The following TMEM132B variants were observed in gnomAD, a reference collection of about 807,000 sequenced individuals.
The protein encoded by TMEM132B is transmembrane protein 132B.
A neutral mutation model predicts 90.8 loss-of-function variants in TMEM132B; 18 were observed. The ratio of observed to expected loss-of-function variants is 0.20; its 90% CI spans 0.14 to 0.29. The LOEUF is 0.29. TMEM132B is among the 10% of genes least tolerant of loss of function. The probability of loss-of-function intolerance (pLI) is 1.00; values close to 1 mark genes in which losing one functional copy is unlikely to be tolerated. For missense variants in TMEM132B, 1,096 were observed against 1,326.8 expected, an observed-to-expected ratio of 0.83 and a Z score of 2.70; for synonymous variants, 504 against 523.3, an observed-to-expected ratio of 0.96 and a Z score of 0.50.
chr12:125,313,109 T>TG (rs1292094805), intron 1 of TMEM132B, among the ~76,000 whole-genome samples: 1 of 152,198 alleles, frequency 6.6e-6, no homozygotes, highest in Non-Finnish European at 1.5e-5. Flanking sequence ...TCTGGAATCT[T>TG]GGGGCAAGCT....
At chr12:125,534,813 A>G (rs1299312697) in intron 4 of TMEM132B, among the ~76,000 whole-genome samples, 2 of 152,212 alleles carry the variant, frequency 1.3e-5, no homozygotes, top group African/African-American at 4.8e-5. Flanking sequence ...GCTATCCAAT[A>G]TGGTAGCCAT....
At chr12:125,270,112 TTGTGTGTGTGTGTG>T (rs59168219) in intron 1 of TMEM132B, among the ~76,000 whole-genome samples, 8 of 143,144 alleles carry the variant, frequency 5.6e-5, no homozygotes, top group Admixed American at 1.4e-4. Context: ...CACATCTTTG[TTGTGTGTGTGTGTG>T]TGTGTGTGTG....
rs899391181 is a variant in TMEM132B, at chr12:125,659,668, T to G, written c.*4958T>G. Reference sequence around the variant, plus strand: ...TTGGCATGCTGGCAAATGCTACTCCTTGCTTTTAGGATGAATAGGGATGCC... The same window carrying G: ...TTGGCATGCTGGCAAATGCTACTCCGTGCTTTTAGGATGAATAGGGATGCC... On this transcript the variant is annotated 3_prime_UTR_variant, in exon 9 of 9. Transcript: ENST00000682704. The G allele has an allele frequency of 1.2e-4, 19 of 152,268 alleles. No individual in the cohort carries two copies. The highest frequency in any genetic ancestry group is 4.6e-4 in the African/African-American group (19 of 41,460). 9.4% of individuals were successfully genotyped at this position (152,268 alleles called of 1,614,324 possible). A position where few individuals can be genotyped will look rare whatever the true frequency, so the allele number is the denominator to read the frequency against.
At chr12:125,326,569 G>A (rs1876576042) in intron 1 of TMEM132B, 3 of 1,571,796 alleles carry the variant, frequency 1.9e-6, no homozygotes, top group Admixed American at 1.9e-5. Flanking sequence ...ACTGGGGGGT[G>A]TTGAATAAAG....
intron 3 of TMEM132B, among the ~76,000 whole-genome samples, chr12:125,469,666 A>G (rs1490338318): frequency 6.6e-6 from 1 of 152,216 alleles, no homozygotes; most frequent in Non-Finnish European, 1.5e-5. Flanking sequence ...TTCTCCCCTC[A>G]AAATGAAGAG....
At chr12:125,635,182 A>C (rs1398265933) in intron 5 of TMEM132B, among the ~76,000 whole-genome samples, 1 of 152,236 alleles carries the variant, frequency 6.6e-6, no homozygotes, top group East Asian at 1.9e-4. Context: ...TCTGGGGTAC[A>C]TGTGCAGAAT....
At chr12:125,401,560 C>T (rs750666829) in intron 2 of TMEM132B, among the ~76,000 whole-genome samples, 39 of 152,090 alleles carry the variant, frequency 2.6e-4, no homozygotes, top group Non-Finnish European at 4.6e-4. Flanking sequence ...GGCTTCCAGG[C>T]AGGGGGAATG....
intron 5 of TMEM132B, chr12:125,588,092 A>G (rs1885222451): frequency 6.6e-6 from 1 of 152,172 alleles, no homozygotes; most frequent in Non-Finnish European, 1.5e-5. Context: ...TTTTAGCTCA[A>G]TATAAAGAAA....
At chr12:125,560,486 C>A (rs934911405) in intron 4 of TMEM132B, among the ~76,000 whole-genome samples, 1 of 152,168 alleles carries the variant, frequency 6.6e-6, no homozygotes, top group Admixed American at 6.5e-5. Context: ...ATCAAAACTA[C>A]AATCAGATAG....
At chr12:125,587,616 A>G (rs1480387493) in intron 5 of TMEM132B, 1 of 152,120 alleles carries the variant, frequency 6.6e-6, no homozygotes, top group Middle Eastern at 3.2e-3. Context: ...CCTCCAGCTC[A>G]CTGTAGTCTC....
chr12:125,381,859 C>G (rs891839286), intron 2 of TMEM132B, among the ~76,000 whole-genome samples: 3 of 152,114 alleles, frequency 2.0e-5, no homozygotes, highest in African/African-American at 7.2e-5. Flanking sequence ...TCTATGGATG[C>G]CAATGGGAAA....
At chr12:125,340,976 C>T (rs1348077672) in intron 1 of TMEM132B, among the ~76,000 whole-genome samples, 2 of 152,232 alleles carry the variant, frequency 1.3e-5, no homozygotes, top group Non-Finnish European at 2.9e-5. Context: ...TCTCTTAGAG[C>T]CAGGAAAAGC....
chr12:125,502,545 T>G (rs1882728352), intron 3 of TMEM132B, among the ~76,000 whole-genome samples: 1 of 152,234 alleles, frequency 6.6e-6, no homozygotes, highest in South Asian at 2.1e-4. Context: ...ACTAGTCACC[T>G]GGGCCCACCC....
At chr12:125,562,057 A>G (rs1355824515) in intron 4 of TMEM132B, among the ~76,000 whole-genome samples, 1 of 152,244 alleles carries the variant, frequency 6.6e-6, no homozygotes, top group Non-Finnish European at 1.5e-5. Context: ...AAGTATAGCC[A>G]TCTTCAAAGA....
Position 125,297,428 on chromosome 12 carries a change from G to A in TMEM132B, c.68-52024G>A, listed in dbSNP as rs181881535. 5.8e-4 allele frequency among the ~76,000 whole-genome samples: 88 copies of A among 152,296 alleles called. 1 individual carries two copies. Among genetic ancestry groups the A allele is most frequent in the African/African-American group, 2.1e-3 (87 of 41,568 alleles). On this transcript the variant is annotated intron_variant, in intron 1 of 8. Coordinates refer to ENST00000682704, the MANE Select transcript of TMEM132B (RefSeq NM_001366854.1). ...TGGAGCGTCCTGGGGAAAATGGCCA[G>A]CCTTCTGGCTTAGTGCTGTTCCCAA...
At position 125,445,158 on chromosome 12, in the gene TMEM132B, A is replaced by G. The variant is rs1880971919; in HGVS notation, c.1106+29481A>G. 6.6e-6 allele frequency among the ~76,000 whole-genome samples: 1 copy of G among 152,076 alleles called. No homozygotes were observed. Among genetic ancestry groups the G allele is most frequent in the Admixed American group, 6.5e-5 (1 of 15,268 alleles). Reference sequence around the variant, plus strand: ...TTTGCTACATTGATTTTCCTCTCCAATGGAAAAAAAAAACTTTTCAGATAT... The same window carrying G: ...TTTGCTACATTGATTTTCCTCTCCAGTGGAAAAAAAAAACTTTTCAGATAT... On this transcript the variant is annotated intron_variant, in intron 3 of 8. Coordinates refer to ENST00000682704, the MANE Select transcript of TMEM132B (RefSeq NM_001366854.1). The surrounding 1 kb of genome is among the most constrained non-coding windows in gnomAD (Gnocchi z 4.3).
At chr12:125,267,331 ATTTCC>A (rs1874719779) in intron 1 of TMEM132B, among the ~76,000 whole-genome samples, 1 of 152,032 alleles carries the variant, frequency 6.6e-6, no homozygotes, top group South Asian at 2.1e-4. Context: ...AGGGCCGCGA[ATTTCC>A]TTTTTAAAGG....
chr12:125,569,763 C>T (rs1481475086), intron 4 of TMEM132B, among the ~76,000 whole-genome samples: 1 of 152,132 alleles, frequency 6.6e-6, no homozygotes, highest in African/African-American at 2.4e-5. Context: ...GACCAACCCC[C>T]CCATCTCTCT....
chr12:125,217,550 G>A (rs1424445356), intron 1 of TMEM132B, among the ~76,000 whole-genome samples: 2 of 152,122 alleles, frequency 1.3e-5, no homozygotes, highest in Non-Finnish European at 2.9e-5. Context: ...AGGCTTAGGC[G>A]ATCCTCCCGC....
Sources: allele counts gnomAD v4.1 joint callset (sites outside exome capture counted in the v4.1 genomes callset), GRCh38; gene constraint gnomAD v4.1.1; non-coding constraint Gnocchi (gnomAD v3.1); transcripts MANE v1.5; gene names NCBI Gene and HGNC (gene_info 2026-07-23, HGNC 2026-07-21).